Variants in PTPRD observed in about 807,000 individuals in gnomAD.
The protein encoded by PTPRD is receptor-type tyrosine-protein phosphatase delta.
PTPRD carries 34 observed loss-of-function variants against 214.5 expected under a neutral mutation model. The observed-to-expected ratio is 0.16, with a 90% CI of 0.12 to 0.21. The LOEUF (loss-of-function observed/expected upper bound fraction) is 0.21. Ranked by LOEUF, PTPRD falls within the 10% of genes least tolerant of loss-of-function variation. The pLI is 1.00. For missense variants in PTPRD, 2,545 were observed against 2,398.7 expected (o/e 1.06, Z -1.27); for synonymous variants, 1,128 against 845.7 (o/e 1.33, Z -5.79).
chr9:8,765,388 C>A (rs185210722), intron 11 of PTPRD, among the ~76,000 whole-genome samples: 150 of 152,338 alleles, frequency 9.8e-4, no homozygotes, highest in South Asian at 1.7e-3. Flanking sequence ...CTCCCGCCAT[C>A]TTCATTCTCT....
intron 10 of PTPRD, among the ~76,000 whole-genome samples, chr9:9,098,405 C>T (rs1423224689): frequency 2.0e-5 from 3 of 152,094 alleles, no homozygotes; most frequent in East Asian, 1.9e-4. Context: ...TACAGGCATG[C>T]ACCACCACAC....
chr9:9,983,716 T>A (rs2095617782), intron 4 of PTPRD, among the ~76,000 whole-genome samples: 2 of 152,248 alleles, frequency 1.3e-5, no homozygotes, highest in Admixed American at 1.3e-4. Context: ...CTTACGTGAT[T>A]TCACAACTAA....
Position 8,929,867 on chromosome 9 carries a change from A to G in PTPRD, c.-104+88830T>C, listed in dbSNP as rs192480353. On this transcript the variant is annotated intron_variant, in intron 11 of 45. Transcript: ENST00000381196. Reference sequence around the variant, plus strand: ...TGTGTGTATATATATGTGTATATACATGTGTGTGTATATATGTGTGTGTAT... The same window carrying G: ...TGTGTGTATATATATGTGTATATACGTGTGTGTGTATATATGTGTGTGTAT... 9.9e-3 allele frequency among the ~76,000 whole-genome samples: 781 copies of G among 78,586 alleles called. 19 individuals carry two copies. In the East Asian group the frequency reaches 0.12, roughly 12 times the overall value. 51.6% of individuals were successfully genotyped at this position (78,586 alleles called of 152,430 possible). A position where few individuals can be genotyped will look rare whatever the true frequency, so the allele number is the denominator to read the frequency against.
At chr9:9,296,826 A>G (rs549139359) in intron 9 of PTPRD, among the ~76,000 whole-genome samples, 2 of 151,914 alleles carry the variant, frequency 1.3e-5, no homozygotes, top group East Asian at 1.9e-4. Flanking sequence ...CAAATTTTAC[A>G]TTACTTTTGA....
chr9:10,377,289 T>TTTATTATTA (rs576042991), intron 2 of PTPRD, among the ~76,000 whole-genome samples: 1 of 151,592 alleles, frequency 6.6e-6, no homozygotes, highest in African/African-American at 2.4e-5. Context: ...CACATTTTCT[T>TTTATTATTA]TTATTATTAT....
intron 7 of PTPRD, among the ~76,000 whole-genome samples, chr9:9,715,689 T>C (rs2097808632): frequency 6.6e-6 from 1 of 152,168 alleles, no homozygotes; most frequent in Admixed American, 6.5e-5. Flanking sequence ...TAAGAGAATG[T>C]ATTTGTTCCT....
chr9:9,000,392 A>G (rs141067363), intron 11 of PTPRD, among the ~76,000 whole-genome samples: 1 of 152,184 alleles, frequency 6.6e-6, no homozygotes, highest in East Asian at 1.9e-4. Flanking sequence ...TGGGCAGGTA[A>G]GAGTAAAGAG....
intron 9 of PTPRD, among the ~76,000 whole-genome samples, chr9:9,369,885 T>C (rs1316340818): frequency 6.6e-6 from 1 of 152,172 alleles, no homozygotes; most frequent in Non-Finnish European, 1.5e-5. Flanking sequence ...CCCCATTGCT[T>C]GTTTTTGTCA....
intron 8 of PTPRD, among the ~76,000 whole-genome samples, chr9:9,521,863 A>T (rs1297226887): frequency 6.6e-6 from 1 of 152,152 alleles, no homozygotes; most frequent in Non-Finnish European, 1.5e-5. Context: ...ACAGAAAAAA[A>T]ATGGTCTGTT....
chr9:9,787,715 A>G (rs1034281273), intron 5 of PTPRD, among the ~76,000 whole-genome samples: 27 of 151,858 alleles, frequency 1.8e-4, no homozygotes, highest in East Asian at 1.9e-4. Context: ...TAAAGACACA[A>G]AAGAAATGAC....
At chr9:9,416,400 T>C (rs1225958424) in intron 8 of PTPRD, among the ~76,000 whole-genome samples, 1 of 152,190 alleles carries the variant, frequency 6.6e-6, no homozygotes. Context: ...ATGAGCCTCA[T>C]GTCCTCTCTG....
At chr9:10,050,015 G>T (rs1482883964) in intron 3 of PTPRD, among the ~76,000 whole-genome samples, 1 of 152,098 alleles carries the variant, frequency 6.6e-6, no homozygotes, top group Non-Finnish European at 1.5e-5. Context: ...CAGGAAGAAG[G>T]TTCTGTGAAG....
At chr9:9,245,867 A>G (rs535217565) in intron 9 of PTPRD, among the ~76,000 whole-genome samples, 4 of 152,210 alleles carry the variant, frequency 2.6e-5, no homozygotes, top group Non-Finnish European at 4.4e-5. Flanking sequence ...TCTCACATAT[A>G]TAGATATTAT....
At chr9:10,281,241 T>C (rs967682073) in intron 3 of PTPRD, among the ~76,000 whole-genome samples, 4 of 152,056 alleles carry the variant, frequency 2.6e-5, no homozygotes, top group Non-Finnish European at 4.4e-5. Flanking sequence ...AATAAATATT[T>C]GAGTGGGAAA....
Position 10,238,482 on chromosome 9 carries a change from C to T in PTPRD, c.-545+102481G>A, listed in dbSNP as rs1035217815. 5.7e-4 allele frequency among the ~76,000 whole-genome samples: 87 copies of T among 151,984 alleles called. 1 individual carries two copies. The highest frequency in any genetic ancestry group is 4.4e-3 in the Admixed American group (67 of 15,212). On this transcript the variant is annotated intron_variant, in intron 3 of 45. Coordinates refer to ENST00000381196, the MANE Select transcript of PTPRD (RefSeq NM_002839.4). ...TTCTTTGGACATACCAAAGATCATC[C>T]AGCCTGTGTATACGCTCCAGAATGC...
At position 9,708,528 on chromosome 9, in the gene PTPRD, G is replaced by C. The variant is rs145594532; in HGVS notation, c.-287+26005C>G. Among the ~76,000 whole-genome samples the C allele has an allele frequency of 4.5e-3, 686 of 151,934 alleles. 4 individuals are homozygous for C. The highest frequency in any genetic ancestry group is 0.016 in the African/African-American group (645 of 41,442). On this transcript the variant is annotated intron_variant, in intron 7 of 45. Transcript: ENST00000381196. The stretch of plus-strand genomic sequence containing the variant: ...TTGAATTGTCATTATTCCTATACTA[G>C]TGAGCTAATCACTGTCATTGAGTGT...
chr9:9,852,023 G>A (rs1466560391), intron 5 of PTPRD, among the ~76,000 whole-genome samples: 4 of 152,132 alleles, frequency 2.6e-5, no homozygotes, highest in African/African-American at 4.8e-5. Flanking sequence ...TCTTCCTGAA[G>A]TACAGAATAT....
intron 12 of PTPRD, among the ~76,000 whole-genome samples, chr9:8,647,288 GTATT>G (rs1315775999): frequency 6.6e-6 from 1 of 151,854 alleles, no homozygotes; most frequent in Non-Finnish European, 1.5e-5. Flanking sequence ...CTAATTGTAC[GTATT>G]TATTATAAAT....
chr9:10,380,115 C>A (rs1182138629), intron 2 of PTPRD, among the ~76,000 whole-genome samples: 1 of 152,008 alleles, frequency 6.6e-6, no homozygotes, highest in Non-Finnish European at 1.5e-5. Flanking sequence ...AGGAGCCACT[C>A]AACAATTTCT....
Sources: allele counts gnomAD v4.1 joint callset (sites outside exome capture counted in the v4.1 genomes callset), GRCh38; gene constraint gnomAD v4.1.1; transcripts MANE v1.5; gene names NCBI Gene and HGNC (gene_info 2026-07-23, HGNC 2026-07-21).